The following RPS6KC1 variants were observed in gnomAD, a reference collection of about 807,000 sequenced individuals.
RPS6KC1 encodes ribosomal protein S6 kinase C1, also known as inactive ribosomal protein S6 kinase delta-1.
RPS6KC1 carries 54 observed loss-of-function variants against 103.8 expected under a neutral mutation model. The observed-to-expected ratio is 0.52, with a 90% CI of 0.42 to 0.65. The LOEUF is 0.65. Ranked by LOEUF, RPS6KC1 falls within the 30% of genes least tolerant of loss-of-function variation. The pLI is 0.00. For missense variants in RPS6KC1, 1,151 were observed against 1,253.8 expected (o/e 0.92, Z 1.24); for synonymous variants, 439 against 438.7 (o/e 1.00, Z -0.01).
intron 8 of RPS6KC1, among the ~76,000 whole-genome samples, chr1:213,204,098 ACTGTTTTTAATTGCCT>A: frequency 6.6e-6 from 1 of 152,130 alleles, no homozygotes; most frequent in East Asian, 1.9e-4. Flanking sequence ...TACTTCTTAA[ACTGTTTTTAATTGCCT>A]CTCCTCCATG....
At chr1:213,851,903 ATTC>A in the RPS6KC1 span, among the ~76,000 whole-genome samples, 2 of 151,944 alleles carry the variant, frequency 1.3e-5, no homozygotes, top group Non-Finnish European at 2.9e-5. Flanking sequence ...CTCCTGTGCT[ATTC>A]TTCTCTCTCC....
intron 3 of RPS6KC1, among the ~76,000 whole-genome samples, chr1:213,097,487 A>G (rs1472737431): frequency 3.9e-5 from 6 of 152,206 alleles, no homozygotes; most frequent in African/African-American, 1.2e-4. Context: ...CAGGCAGAGT[A>G]GATTTAGCCT....
the RPS6KC1 span, among the ~76,000 whole-genome samples, chr1:213,315,002 A>T: frequency 6.6e-6 from 1 of 152,150 alleles, no homozygotes; most frequent in Non-Finnish European, 1.5e-5. Context: ...CATCATTACT[A>T]TTCGAGCCCC....
chr1:213,524,147 T>C, the RPS6KC1 span, among the ~76,000 whole-genome samples: 1 of 152,156 alleles, frequency 6.6e-6, no homozygotes, highest in African/African-American at 2.4e-5. Flanking sequence ...CCATAGCAGG[T>C]TGATGGCTGC....
the RPS6KC1 span, among the ~76,000 whole-genome samples, chr1:213,459,165 C>G: frequency 1.5e-4 from 23 of 152,204 alleles, no homozygotes; most frequent in African/African-American, 5.5e-4. Context: ...GTTTGGAATA[C>G]TTTCAGAAGG....
chr1:213,473,033 T>A, the RPS6KC1 span, among the ~76,000 whole-genome samples: 3,083 of 152,318 alleles, frequency 0.02, 109 homozygotes, highest in African/African-American at 0.07. Flanking sequence ...TTGGGAGATG[T>A]CTTCAGAGTC....
At chr1:213,532,344 T>TA in the RPS6KC1 span, among the ~76,000 whole-genome samples, 24 of 100,028 alleles carry the variant, frequency 2.4e-4, no homozygotes, top group East Asian at 0.017. Flanking sequence ...GGTCAGGAGT[T>TA]ACAGGGGGAG....
the RPS6KC1 span, among the ~76,000 whole-genome samples, chr1:213,793,254 A>T: frequency 6.6e-6 from 1 of 152,126 alleles, no homozygotes; most frequent in Non-Finnish European, 1.5e-5. Flanking sequence ...TCTCTCCTCC[A>T]TCCAGCACTG....
chr1:213,295,923 G>A, the RPS6KC1 span, among the ~76,000 whole-genome samples: 1 of 152,186 alleles, frequency 6.6e-6, no homozygotes, highest in Admixed American at 6.5e-5. Context: ...ATAGTTCTAA[G>A]TTTAGATTTT....
chr1:213,600,792 T>C, the RPS6KC1 span, among the ~76,000 whole-genome samples: 2 of 152,258 alleles, frequency 1.3e-5, no homozygotes, highest in African/African-American at 4.8e-5. Flanking sequence ...AAGATTACTT[T>C]CCTTGATGCA....
chr1:213,783,999 C>T, the RPS6KC1 span, among the ~76,000 whole-genome samples: 3 of 152,042 alleles, frequency 2.0e-5, no homozygotes, highest in Non-Finnish European at 4.4e-5. Context: ...AGGAAAAAAA[C>T]CTCAAGCCAC....
chr1:213,084,970 A>G (rs1487054203), intron 3 of RPS6KC1, among the ~76,000 whole-genome samples: 1 of 152,192 alleles, frequency 6.6e-6, no homozygotes, highest in East Asian at 1.9e-4. Flanking sequence ...GGTATTGTCA[A>G]GCTTTTCCAC....
At chr1:213,492,599 G>A in the RPS6KC1 span, 6 of 152,134 alleles carry the variant, frequency 3.9e-5, no homozygotes, top group Non-Finnish European at 7.3e-5. Flanking sequence ...CTCACCTTTC[G>A]TGACTTACAA....
At chr1:213,303,271 G>T in the RPS6KC1 span, among the ~76,000 whole-genome samples, 10 of 152,160 alleles carry the variant, frequency 6.6e-5, no homozygotes, top group Non-Finnish European at 1.3e-4. Flanking sequence ...CTTGCTTTGT[G>T]CCTGGGATCT....
chr1:213,744,326 T>A, the RPS6KC1 span, among the ~76,000 whole-genome samples: 1 of 152,144 alleles, frequency 6.6e-6, no homozygotes, highest in East Asian at 1.9e-4. Context: ...AAAAAACCTC[T>A]ATCAGCCTCT....
At chr1:213,193,776 G>A (rs564726681) in intron 8 of RPS6KC1, among the ~76,000 whole-genome samples, 9 of 151,990 alleles carry the variant, frequency 5.9e-5, no homozygotes, top group East Asian at 1.9e-4. Flanking sequence ...CTATAGGTGC[G>A]CAATACCATG....
chr1:213,413,635 T>C, the RPS6KC1 span, among the ~76,000 whole-genome samples: 1 of 152,198 alleles, frequency 6.6e-6, no homozygotes, highest in Non-Finnish European at 1.5e-5. Flanking sequence ...TGAGTATCCT[T>C]ATAACATGGC....
the RPS6KC1 span, among the ~76,000 whole-genome samples, chr1:213,467,990 A>T: frequency 6.6e-6 from 1 of 152,224 alleles, no homozygotes; most frequent in African/African-American, 2.4e-5. Context: ...GAAGAAAAAG[A>T]ACACTCCATT....
At chr1:213,219,937 A>G (rs924209817) in intron 8 of RPS6KC1, among the ~76,000 whole-genome samples, 1 of 152,126 alleles carries the variant, frequency 6.6e-6, no homozygotes, top group African/African-American at 2.4e-5. Flanking sequence ...CAGCACCCCA[A>G]CATGGCACAT....
Sources: gnomAD v4.1 joint callset for allele counts (sites outside exome capture counted in the v4.1 genomes callset) on GRCh38, gnomAD v4.1.1 for gene constraint, MANE v1.5 for transcripts, NCBI Gene and HGNC (gene_info 2026-07-23, HGNC 2026-07-21) for gene names.